Variants in NAIF1 observed in about 807,000 individuals in gnomAD.
NAIF1 encodes nuclear apoptosis-inducing factor 1.
Under a neutral mutation model 20.7 loss-of-function variants are expected in NAIF1, and 14 were observed. The observed-to-expected ratio is 0.67, with a 90% confidence interval of 0.45 to 1.05. NAIF1 has a LOEUF of 1.05. NAIF1 is among the 50% of genes least tolerant of loss of function. The pLI, the probability that NAIF1 is intolerant of heterozygous loss-of-function variation, is 0.00. For missense variants in NAIF1, 362 were observed against 448.8 expected (o/e 0.81, Z 1.75); for synonymous variants, 191 against 191.4 (o/e 1.00, Z 0.02).
chr9:128,064,918 C>T (rs539781768), intron 1 of NAIF1, among the ~76,000 whole-genome samples: 2 of 151,636 alleles, frequency 1.3e-5, no homozygotes, highest in South Asian at 2.1e-4. Flanking sequence ...AGCAGTGAGC[C>T]GAGATCATGC....
chr9:128,065,191 A>G (rs1288505336), intron 1 of NAIF1, among the ~76,000 whole-genome samples: 1 of 147,288 alleles, frequency 6.8e-6, no homozygotes, highest in Non-Finnish European at 1.5e-5. Context: ...ATCTCGGCTC[A>G]CTGCAACTTC....
In NAIF1 at chr9:128,063,383, G is replaced by T; in HGVS notation, c.*45C>A. On this transcript the variant is annotated 3_prime_UTR_variant, in exon 2 of 2. Coordinates refer to ENST00000373078, the MANE Select transcript of NAIF1 (RefSeq NM_197956.4). The surrounding 1 kb of genome is among the most constrained non-coding windows in gnomAD (Gnocchi z 4.3). ...CACAGGACCCACTTACAAGTCCATGGAGTTTTCATCCCATCATGGCAGAAG... is the reference window on the plus strand; with the variant it reads ...CACAGGACCCACTTACAAGTCCATGTAGTTTTCATCCCATCATGGCAGAAG... 1.3e-6 allele frequency: 2 copies of T among 1,545,720 alleles called. No homozygotes were observed. The highest frequency in any genetic ancestry group is 8.8e-7 in the Non-Finnish European group (1 of 1,137,716).
intron 1 of NAIF1, among the ~76,000 whole-genome samples, chr9:128,065,511 G>A (rs575581874): frequency 2.2e-4 from 34 of 152,300 alleles, no homozygotes; most frequent in Middle Eastern, 3.4e-3. Flanking sequence ...CCCAGTCAAT[G>A]TCTCCCTGTC....
chr9:128,063,053 T>G lies in NAIF1; in HGVS notation c.*375A>C, dbSNP rs1832736797. Reference sequence around the variant, plus strand: ...AGGATGGCACCTGGGGTTGGGCAGCTCAGTAGAGACCCAGGCTGGGTGACG... The same window carrying G: ...AGGATGGCACCTGGGGTTGGGCAGCGCAGTAGAGACCCAGGCTGGGTGACG... On this transcript the variant is annotated 3_prime_UTR_variant, in exon 2 of 2. Coordinates refer to ENST00000373078, the MANE Select transcript of NAIF1 (RefSeq NM_197956.4). The surrounding 1 kb of genome is among the most constrained non-coding windows in gnomAD (Gnocchi z 4.3). 3.9e-6 allele frequency: 1 copy of G among 258,994 alleles called. No individual in the cohort carries two copies. Among genetic ancestry groups the G allele is most frequent in the African/African-American group, 2.2e-5 (1 of 46,124 alleles). The allele number at this position is 258,994 out of a possible 1,614,324, so 16.0% of individuals were successfully genotyped here.
Position 128,063,330 on chromosome 9 carries a change from A to G in NAIF1, c.*98T>C. The G allele has an allele frequency of 4.7e-6, 5 of 1,074,186 alleles. No individual in the cohort carries two copies. The highest frequency in any genetic ancestry group is 3.1e-4 in the Middle Eastern group (1 of 3,210). 66.5% of individuals were successfully genotyped at this position (1,074,186 alleles called of 1,614,324 possible). A position where few individuals can be genotyped will look rare whatever the true frequency, so the allele number is the denominator to read the frequency against. On this transcript the variant is annotated 3_prime_UTR_variant, in exon 2 of 2. Transcript: ENST00000373078. The surrounding 1 kb of genome is among the most constrained non-coding windows in gnomAD (Gnocchi z 4.3). The stretch of plus-strand genomic sequence containing the variant: ...GCGTTTATTAAAGAGGGAGCTGTGC[A>G]CGTGGCCGGTCTAAGGCCAAGGCCA...
rs367900956 is a variant in NAIF1 at position 128,064,312 on chromosome 9, G to A, written c.512-412C>T. Among the ~76,000 whole-genome samples the A allele has an allele frequency of 4.6e-5, 7 of 151,746 alleles. No individual in the cohort carries two copies. The East Asian group carries it at 1.4e-3, about 30-fold the overall frequency. ...ACCGTGGTCTCGATCTCCTGACCTCGTGATCCGCCCGCCTCGGCCTCCCAA... is the reference window on the plus strand; with the variant it reads ...ACCGTGGTCTCGATCTCCTGACCTCATGATCCGCCCGCCTCGGCCTCCCAA... On this transcript the variant is annotated intron_variant, in intron 1 of 1. Transcript: ENST00000373078.
At chr9:128,064,298 G>T (rs569170657) in intron 1 of NAIF1, among the ~76,000 whole-genome samples, 1 of 151,346 alleles carries the variant, frequency 6.6e-6, no homozygotes, top group South Asian at 2.1e-4. Flanking sequence ...CCGTGGTCTC[G>T]ATCTCCTGAC....
In NAIF1 at chr9:128,061,373, C is replaced by A. The variant is rs989835954; in HGVS notation, c.*2055G>T. On this transcript the variant is annotated 3_prime_UTR_variant, in exon 2 of 2. Coordinates refer to ENST00000373078, the MANE Select transcript of NAIF1 (RefSeq NM_197956.4). ...TCAGATTTCCAACCCCAGAAAAAAA[C>A]CAAACCAAGTCCTCAGGAAGTCCCT... is the stretch of plus-strand genomic sequence containing the variant. 5 of 152,132 alleles carry A rather than the reference C, an allele frequency of 3.3e-5. No homozygotes were observed. Among genetic ancestry groups the A allele is most frequent in the South Asian group, 2.1e-4 (1 of 4,828 alleles). The allele number at this position is 152,132 out of a possible 1,614,324, so 9.4% of individuals were successfully genotyped here. A position where few individuals can be genotyped will look rare whatever the true frequency, so the allele number is the denominator to read the frequency against.
rs368504113 is a variant in NAIF1 at position 128,066,814 on chromosome 9, C to A, written c.288G>T (p.Pro96=). 1.2e-6 allele frequency: 2 copies of A among 1,610,910 alleles called. No homozygotes were observed. The highest frequency in any genetic ancestry group is 1.3e-5 in the African/African-American group (1 of 74,918). Residue 96 remains proline, a synonymous_variant, in exon 1 of 2, where the codon CCG becomes CCT. Transcript: ENST00000373078. The part of the protein sequence containing the change: ...VRAAVEGGEA[P]GPTEEDGAGG... ...CAGCTCCGTCCTCCTCAGTGGGCCC[C>A]GGCGCCTCACCACCCTCCACGGCGG...
Position 128,066,708 on chromosome 9 carries a change from T to C in NAIF1, c.394A>G (p.Ile132Val). Residue 132 changes from isoleucine (I) to valine (V), a missense_variant, in exon 1 of 2, where the codon ATC becomes GTC. Coordinates refer to ENST00000373078, the MANE Select transcript of NAIF1 (RefSeq NM_197956.4). ...PVLLTPMQQR[I>V]CNLLGEATII... ...GTGGCCTCGCCCAGCAGGTTGCAGATACGTTGTTGCATGGGGGTCAGCAGC... is the reference window on the plus strand; with the variant it reads ...GTGGCCTCGCCCAGCAGGTTGCAGACACGTTGTTGCATGGGGGTCAGCAGC... 1 of 1,612,026 alleles carries C rather than the reference T, an allele frequency of 6.2e-7. No individual in the cohort carries two copies. The highest frequency in any genetic ancestry group is 8.5e-7 in the Non-Finnish European group (1 of 1,179,058).
At chr9:128,065,262 G>A (rs1267976626) in intron 1 of NAIF1, among the ~76,000 whole-genome samples, 3 of 151,854 alleles carry the variant, frequency 2.0e-5, no homozygotes, top group African/African-American at 2.4e-5. Context: ...GACTACAGTC[G>A]CCCACCTCCA....
Position 128,063,092 on chromosome 9 carries a change from G to A in NAIF1, c.*336C>T, listed in dbSNP as rs113744540. ...GGCTGGGTGACGGCCCCCAGTGACA[G>A]CCCGTTGTGTTGTTCCTTACAGTTG... On this transcript the variant is annotated 3_prime_UTR_variant, in exon 2 of 2. Transcript: ENST00000373078. The surrounding 1 kb of genome is among the most constrained non-coding windows in gnomAD (Gnocchi z 4.3). The A allele has an allele frequency of 1.0e-4, 31 of 306,072 alleles. No individual in the cohort carries two copies. The highest frequency in any genetic ancestry group is 6.3e-4 in the African/African-American group (30 of 47,838). 19.0% of individuals were successfully genotyped at this position (306,072 alleles called of 1,614,324 possible).
Position 128,066,838 on chromosome 9 carries a change from G to T in NAIF1, c.264C>A (p.Ala88=), listed in dbSNP as rs145446720. The stretch of plus-strand genomic sequence containing the variant: ...CCGGCGCCTCACCACCCTCCACGGC[G>T]GCCCGGACCTGGGCAACCTTGCGAC... ...EVRRKVAQVR[A]AVEGGEAPGP... The change falls in exon 1 of 2, where the codon GCC becomes GCA. Residue 88 remains alanine, a synonymous_variant. Transcript: ENST00000373078. 1 of 1,611,918 alleles carries T rather than the reference G, an allele frequency of 6.2e-7. No individual in the cohort carries two copies.
At chr9:128,066,447 G>C in intron 1 of NAIF1, 144 bp downstream of exon 1, 1 of 807,968 alleles carries the variant, frequency 1.2e-6, no homozygotes, top group Non-Finnish European at 1.8e-6. Flanking sequence ...ACTTCTGTCT[G>C]GGTGCTGCTC....
In NAIF1 at chr9:128,063,890, C is replaced by A. The variant is rs1393221011; in HGVS notation, c.522G>T (p.Glu174Asp). 5 of 1,604,810 alleles carry A rather than the reference C, an allele frequency of 3.1e-6. No homozygotes were observed. In the South Asian group the frequency reaches 5.5e-5, roughly 18 times the overall value. ...CCTCCTCCAGCGTGTGATAGGTGGTCTCTGTGGGGACTGCACAGTAGAAAG... is the reference window on the plus strand; with the variant it reads ...CCTCCTCCAGCGTGTGATAGGTGGTATCTGTGGGGACTGCACAGTAGAAAG... ...ATVTLTQIPT[E>D]TTYHTLEEGV... is the part of the protein sequence containing the mutation. The change falls in exon 2 of 2, where the codon GAG becomes GAT. Residue 174 changes from glutamate (E) to aspartate (D), a missense_variant. Coordinates refer to ENST00000373078, the MANE Select transcript of NAIF1 (RefSeq NM_197956.4). This position sits in a 1 kb window ranked among gnomAD's most constrained non-coding sequence, Gnocchi z 4.3.
At position 128,067,295 on chromosome 9, in the gene NAIF1, C is replaced by G. The variant is rs908690196; in HGVS notation, c.-194G>C. 5.4e-6 allele frequency: 3 copies of G among 558,894 alleles called. No homozygotes were observed. The highest frequency in any genetic ancestry group is 3.2e-5 in the South Asian group (1 of 30,892). The allele number at this position is 558,894 out of a possible 1,614,324, so 34.6% of individuals were successfully genotyped here. On this transcript the variant is annotated 5_prime_UTR_variant, in exon 1 of 2. Transcript: ENST00000373078. ...GCGTAGGGCCCAGCCCCGACCGGCC[C>G]GGCCGCTGCCAGCCAGCAGCGTAAT...
Position 128,067,317 on chromosome 9 carries a change from T to C in NAIF1, c.-216A>G, listed in dbSNP as rs1490643061. On this transcript the variant is annotated 5_prime_UTR_variant, in exon 1 of 2. Transcript: ENST00000373078. ...GCCCGGCCGCTGCCAGCCAGCAGCG[T>C]AATGGCTTCCTGAATCTGCCTCTTC... 3 of 495,778 alleles carry C rather than the reference T, an allele frequency of 6.1e-6. No homozygotes were observed. In the Admixed American group the frequency reaches 1.2e-4, roughly 19 times the overall value. 30.7% of individuals were successfully genotyped at this position (495,778 alleles called of 1,614,324 possible).
In NAIF1 at chr9:128,061,656, T is replaced by C. The variant is rs1176273336; in HGVS notation, c.*1772A>G. 6.6e-6 allele frequency: 1 copy of C among 152,240 alleles called. No individual in the cohort carries two copies. Among genetic ancestry groups the C allele is most frequent in the Non-Finnish European group, 1.5e-5 (1 of 68,084 alleles). 9.4% of individuals were successfully genotyped at this position (152,240 alleles called of 1,614,324 possible). On this transcript the variant is annotated 3_prime_UTR_variant, in exon 2 of 2. Transcript: ENST00000373078. ...CTTCCTGTGGTCACAATAGAGGAGT[T>C]GAGCATTCTAAACGTTCGTGCCCAG...
At position 128,066,600 on chromosome 9, in the gene NAIF1, G is replaced by A; in HGVS notation, c.502C>T (p.Leu168=). The change falls in exon 1 of 2, where the codon CTG becomes TTG. Residue 168 remains leucine (L), a synonymous_variant. Coordinates refer to ENST00000373078, the MANE Select transcript of NAIF1 (RefSeq NM_197956.4). The stretch of plus-strand genomic sequence containing the variant: ...AGGAGAGGTCACTCACTCTGTGTCA[G>A]GGTGACCGTGGCTGCGGCTGCGGTG... ...SATAAAATVT[L]TQIPTETTYH... 6.6e-7 allele frequency: 1 copy of A among 1,521,848 alleles called. No homozygotes were observed. Among genetic ancestry groups the A allele is most frequent in the Non-Finnish European group, 8.8e-7 (1 of 1,133,712 alleles). The allele number at this position is 1,521,848 out of a possible 1,614,324, so 94.3% of individuals were successfully genotyped here.
Sources: gnomAD v4.1 joint callset for allele counts (sites outside exome capture counted in the v4.1 genomes callset) on GRCh38, gnomAD v4.1.1 for gene constraint, Gnocchi (gnomAD v3.1) non-coding constraint, MANE v1.5 for transcripts, NCBI Gene and HGNC (gene_info 2026-07-23, HGNC 2026-07-21) for gene names.